The following SSBP2 variants were observed in gnomAD, a reference collection of about 807,000 sequenced individuals.
SSBP2 encodes the protein single-stranded DNA-binding protein 2.
A neutral mutation model predicts 61.8 loss-of-function variants in SSBP2; 17 were observed. The ratio of observed to expected loss-of-function variants is 0.28; its 90% CI spans 0.19 to 0.41. SSBP2 has a LOEUF of 0.41. Among genes scored for constraint, SSBP2 ranks in the 10% least tolerant of loss-of-function variants. SSBP2 has a pLI of 1.00. For missense variants in SSBP2, 310 were observed against 458.7 expected, an observed-to-expected ratio of 0.68 and a Z score of 2.96; for synonymous variants, 139 against 141.3, an observed-to-expected ratio of 0.98 and a Z score of 0.12.
intron 1 of SSBP2, among the ~76,000 whole-genome samples, chr5:81,749,905 C>A (rs1220918722): frequency 6.6e-6 from 1 of 152,184 alleles, no homozygotes; most frequent in Non-Finnish European, 1.5e-5. Flanking sequence ...GCGGCTCCTT[C>A]CCACCTGAAC....
At chr5:81,739,248 G>A (rs181363660) in intron 1 of SSBP2, among the ~76,000 whole-genome samples, 11 of 145,882 alleles carry the variant, frequency 7.5e-5, no homozygotes, top group South Asian at 4.3e-4. Flanking sequence ...GAAATAGTTC[G>A]TATTTAATCT....
chr5:81,663,197 T>A (rs1278822357), intron 1 of SSBP2, among the ~76,000 whole-genome samples: 2 of 152,280 alleles, frequency 1.3e-5, no homozygotes, highest in East Asian at 3.9e-4. Flanking sequence ...CACAAACAAG[T>A]TTACCAAGAA....
At chr5:81,715,111 T>C (rs1407804055) in intron 1 of SSBP2, among the ~76,000 whole-genome samples, 2 of 151,546 alleles carry the variant, frequency 1.3e-5, no homozygotes, top group African/African-American at 2.4e-5. Flanking sequence ...TCAAAGAAAA[T>C]GGGGATTCTA....
chr5:81,750,707 A>C, intron 1 of SSBP2: 1 of 499,058 alleles, frequency 2.0e-6, no homozygotes, highest in Non-Finnish European at 3.5e-6. Context: ...CACCCAAACA[A>C]GTTTCCATCC....
Position 81,581,368 on chromosome 5 carries a change from G to A in SSBP2, c.282+34105C>T, listed in dbSNP as rs141071982. Among the ~76,000 whole-genome samples, 887 of 152,244 alleles carry A rather than the reference G, an allele frequency of 5.8e-3. 10 individuals carry two copies. The highest frequency in any genetic ancestry group is 0.02 in the African/African-American group (834 of 41,532). ...ATGGAGGTGTTTGACTAGGTGATCC[G>A]AAAAGTCACTGTTAGCTCTAAAAAT... On this transcript the variant is annotated intron_variant, in intron 4 of 16. Transcript: ENST00000320672.
intron 1 of SSBP2, among the ~76,000 whole-genome samples, chr5:81,680,451 C>T (rs192283003): frequency 2.6e-5 from 4 of 151,244 alleles, no homozygotes; most frequent in African/African-American, 7.3e-5. Flanking sequence ...GGTGTAACTA[C>T]ACCAATTAAA....
At chr5:81,719,309 C>T (rs187567398) in intron 1 of SSBP2, among the ~76,000 whole-genome samples, 5 of 152,312 alleles carry the variant, frequency 3.3e-5, no homozygotes, top group Non-Finnish European at 1.5e-5. Context: ...TGCCCATCCC[C>T]GCTTCCTCCA....
At chr5:81,630,759 TAA>T (rs76949986) in intron 3 of SSBP2, among the ~76,000 whole-genome samples, 107 of 130,752 alleles carry the variant, frequency 8.2e-4, no homozygotes, top group Admixed American at 1.2e-3. Context: ...CAGCTAAGGT[TAA>T]AAAAAAAAAA....
intron 5 of SSBP2, among the ~76,000 whole-genome samples, chr5:81,494,705 G>T (rs1767157809): frequency 6.6e-6 from 1 of 151,854 alleles, no homozygotes; most frequent in African/African-American, 2.4e-5. Flanking sequence ...CTCATCTATG[G>T]CATTTTATTA....
intron 2 of SSBP2, 136 bp from the exon 3 acceptor site, chr5:81,636,754 GT>G (rs1162280494): frequency 4.0e-5 from 29 of 716,526 alleles, no homozygotes; most frequent in Non-Finnish European, 5.2e-5. Context: ...TTTTACCCAA[GT>G]TTTGCAAGTA....
In SSBP2 at chr5:81,557,709, T is replaced by C. The variant is rs189027509; in HGVS notation, c.283-43992A>G. 7.4e-4 allele frequency among the ~76,000 whole-genome samples: 112 copies of C among 152,358 alleles called. No individual in the cohort carries two copies. In the East Asian group the frequency reaches 0.021, roughly 28 times the overall value. On this transcript the variant is annotated intron_variant, in intron 4 of 16. Transcript: ENST00000320672. ...TGGTTCTTTCTTGATATTCCATATT[T>C]CTACCTAACATGTTTCATTATCCTC... is the stretch of plus-strand genomic sequence containing the variant.
intron 1 of SSBP2, among the ~76,000 whole-genome samples, chr5:81,660,581 T>C (rs999054462): frequency 6.6e-6 from 1 of 152,178 alleles, no homozygotes; most frequent in Admixed American, 6.5e-5. Context: ...AGTTCAACCA[T>C]TGTGGAAGAC....
chr5:81,557,568 T>A (rs1772703991), intron 4 of SSBP2, among the ~76,000 whole-genome samples: 1 of 152,168 alleles, frequency 6.6e-6, no homozygotes, highest in Non-Finnish European at 1.5e-5. Context: ...CACTCTGTAA[T>A]TCATTTTGGA....
chr5:81,573,572 T>C, intron 4 of SSBP2, among the ~76,000 whole-genome samples: 1 of 152,170 alleles, frequency 6.6e-6, no homozygotes, highest in South Asian at 2.1e-4. Context: ...TTTTAAATCA[T>C]CTCACTCCCT....
Position 81,446,887 on chromosome 5 carries a change from G to A in SSBP2, c.759C>T (p.Pro253=), listed in dbSNP as rs772600886. 4.4e-6 allele frequency: 7 copies of A among 1,608,256 alleles called. No individual in the cohort carries two copies. The highest frequency in any genetic ancestry group is 1.7e-4 in the Middle Eastern group (1 of 6,044). The stretch of plus-strand genomic sequence containing the variant: ...CAATACCTGCTGGACTAGGCATGAT[G>A]GGTGTTCCTGGTGGCCCTCCACCTC... Residue 253 remains proline, a synonymous_variant, in exon 12 of 17, where the codon CCC becomes CCT. Transcript: ENST00000320672.
intron 4 of SSBP2, among the ~76,000 whole-genome samples, chr5:81,604,294 A>C (rs1744664507): frequency 1.3e-5 from 2 of 148,286 alleles, no homozygotes; most frequent in African/African-American, 5.0e-5. Context: ...TGCTGTGTTC[A>C]TATAGCAAAA....
At chr5:81,619,607 G>A (rs1194478183) in intron 3 of SSBP2, among the ~76,000 whole-genome samples, 2 of 147,568 alleles carry the variant, frequency 1.4e-5, no homozygotes, top group Non-Finnish European at 3.0e-5. Flanking sequence ...CATTTTATGG[G>A]CCAGCATCAT....
chr5:81,540,312 C>T lies in SSBP2; in HGVS notation c.283-26595G>A, dbSNP rs181043366. ...TTCTGGTTGTAGATCCTTGAGGAAT[C>T]GCCACACTGTCTTCCGCAATGGTTG... On this transcript the variant is annotated intron_variant, in intron 4 of 16. Transcript: ENST00000320672. Among the ~76,000 whole-genome samples, 10 of 152,272 alleles carry T rather than the reference C, an allele frequency of 6.6e-5. No individual in the cohort carries two copies. The East Asian group carries it at 9.7e-4, about 15-fold the overall frequency.
intron 1 of SSBP2, among the ~76,000 whole-genome samples, chr5:81,745,242 T>G (rs1757280675): frequency 2.0e-5 from 3 of 152,112 alleles, no homozygotes; most frequent in Admixed American, 6.5e-5. Context: ...AGGCAAGACA[T>G]TAATCTTGGT....
Sources: allele counts gnomAD v4.1 joint callset (sites outside exome capture counted in the v4.1 genomes callset), GRCh38; gene constraint gnomAD v4.1.1; transcripts MANE v1.5; gene names NCBI Gene and HGNC (gene_info 2026-07-23, HGNC 2026-07-21).